Variants in EGFLAM observed in about 807,000 individuals in gnomAD.
The protein encoded by EGFLAM is pikachurin.
In EGFLAM, 79 loss-of-function variants were observed where a neutral mutation model predicts 113.1. The observed-to-expected ratio is 0.70, with a 90% CI of 0.58 to 0.84. The LOEUF is 0.84. EGFLAM is among the 40% of genes least tolerant of loss of function. The probability of loss-of-function intolerance (pLI) is 0.00; values close to 1 mark genes in which losing one functional copy is unlikely to be tolerated. For synonymous variants in EGFLAM, 504 were observed against 487.6 expected (o/e 1.03, Z -0.44); for missense variants, 1,265 against 1,291.6 (o/e 0.98, Z 0.32).
At chr5:38,367,227 G>GCAT (rs369020268) in intron 5 of EGFLAM, among the ~76,000 whole-genome samples, 108 of 151,430 alleles carry the variant, frequency 7.1e-4, no homozygotes, top group African/African-American at 2.4e-3. Flanking sequence ...GCTCGCAGCA[G>GCAT]CCTCAACCTC....
At chr5:38,286,754 C>T (rs116179671) in intron 1 of EGFLAM, among the ~76,000 whole-genome samples, 42 of 152,300 alleles carry the variant, frequency 2.8e-4, no homozygotes, top group Middle Eastern at 3.4e-3. Context: ...ACTTTGCCAT[C>T]GGCACCATCT....
At chr5:38,449,785 A>G (rs1269561397) in intron 18 of EGFLAM, among the ~76,000 whole-genome samples, 1 of 152,214 alleles carries the variant, frequency 6.6e-6, no homozygotes, top group Admixed American at 6.5e-5. Flanking sequence ...GGTGCCAAGT[A>G]ACAGAAAGTT....
At chr5:38,385,848 T>G (rs1740645400) in intron 6 of EGFLAM, among the ~76,000 whole-genome samples, 1 of 152,226 alleles carries the variant, frequency 6.6e-6, no homozygotes, top group African/African-American at 2.4e-5. Flanking sequence ...AAATGCACCA[T>G]TAGGTGATTT....
chr5:38,290,047 A>T (rs1758273910), intron 1 of EGFLAM, among the ~76,000 whole-genome samples: 1 of 152,250 alleles, frequency 6.6e-6, no homozygotes, highest in South Asian at 2.1e-4. Context: ...ACAGATGAGC[A>T]AACTGAGCAT....
At chr5:38,305,100 G>A (rs1758690492) in intron 1 of EGFLAM, among the ~76,000 whole-genome samples, 2 of 151,826 alleles carry the variant, frequency 1.3e-5, no homozygotes, top group Non-Finnish European at 1.5e-5. Context: ...ACAAATAACA[G>A]GCATTCTACA....
At chr5:38,287,595 C>T (rs969649974) in intron 1 of EGFLAM, among the ~76,000 whole-genome samples, 2 of 152,214 alleles carry the variant, frequency 1.3e-5, no homozygotes, top group African/African-American at 4.8e-5. Context: ...TGGTCTCAAA[C>T]TCCTGGCCTC....
At chr5:38,457,518 G>A (rs1743129276) in intron 19 of EGFLAM, among the ~76,000 whole-genome samples, 1 of 152,156 alleles carries the variant, frequency 6.6e-6, no homozygotes, top group African/African-American at 2.4e-5. Flanking sequence ...CTGTCTCTGT[G>A]TGTCTCTGGC....
chr5:38,451,603 C>G, intron 19 of EGFLAM, 145 bp downstream of exon 19: 2 of 1,219,290 alleles, frequency 1.6e-6, no homozygotes, highest in African/African-American at 1.5e-5. Flanking sequence ...TTGGAAGCTC[C>G]TGGTCTTTCT....
chr5:38,458,935 T>G (rs1743179209), intron 20 of EGFLAM, among the ~76,000 whole-genome samples: 1 of 151,080 alleles, frequency 6.6e-6, no homozygotes, highest in Non-Finnish European at 1.5e-5. Flanking sequence ...ATCATGCCAT[T>G]GCACTCCAGC....
intron 1 of EGFLAM, among the ~76,000 whole-genome samples, chr5:38,311,377 G>T (rs1034884924): frequency 1.3e-5 from 2 of 152,024 alleles, no homozygotes; most frequent in Non-Finnish European, 2.9e-5. Flanking sequence ...CCTGGTAACC[G>T]CCATTCTACT....
chr5:38,425,674 C>T (rs897643613), intron 13 of EGFLAM, among the ~76,000 whole-genome samples: 8 of 152,318 alleles, frequency 5.3e-5, no homozygotes, highest in Admixed American at 3.9e-4. Context: ...CTCAGCCAAA[C>T]ATATGTTCAT....
intron 17 of EGFLAM, among the ~76,000 whole-genome samples, chr5:38,441,506 TCTAAGTAAGTTA>T (rs1742532264): frequency 6.6e-6 from 1 of 152,126 alleles, no homozygotes; most frequent in South Asian, 2.1e-4. Context: ...AGCTTGTGTA[TCTAAGTAAGTTA>T]CTAAAATGTT....
At chr5:38,350,373 C>A (rs990897370) in intron 3 of EGFLAM, 128 bp from the exon 4 acceptor site, 11 of 922,270 alleles carry the variant, frequency 1.2e-5, no homozygotes, top group East Asian at 2.5e-5. Flanking sequence ...CAGTCCTAGA[C>A]AAAGCAAAAC....
chr5:38,338,551 A>G, intron 2 of EGFLAM, 147 bp from the exon 3 acceptor site: 1 of 678,308 alleles, frequency 1.5e-6, no homozygotes, highest in Non-Finnish European at 2.6e-6. Context: ...CAACCCAAGT[A>G]GGTCTGATGT....
intron 12 of EGFLAM, 98 bp from the exon 13 acceptor site, chr5:38,424,869 T>G (rs573931867): frequency 2.0e-6 from 3 of 1,489,764 alleles, no homozygotes; most frequent in South Asian, 2.8e-5. Context: ...AACTGAAATG[T>G]ATTTATTCAG....
intron 12 of EGFLAM, among the ~76,000 whole-genome samples, chr5:38,421,390 C>A (rs144418898): frequency 7.1e-4 from 108 of 152,366 alleles, no homozygotes; most frequent in Middle Eastern, 3.4e-3. Context: ...CCAATCCCAT[C>A]TTGGATATCC....
At chr5:38,378,710 C>A (rs1374527144) in intron 6 of EGFLAM, among the ~76,000 whole-genome samples, 1 of 152,186 alleles carries the variant, frequency 6.6e-6, no homozygotes, top group Non-Finnish European at 1.5e-5. Context: ...ATCTGGCCGG[C>A]AAGTCTGGGT....
At position 38,300,666 on chromosome 5, in the gene EGFLAM, C is replaced by T. The variant is rs182015091; in HGVS notation, c.98-36854C>T. On this transcript the variant is annotated intron_variant, in intron 1 of 21. Transcript: ENST00000322350. ...CTGGGATTACAGGCATGAGCCATCG[C>T]GCCCGGCCATATTTTTCATTTTGAA... is the stretch of plus-strand genomic sequence containing the variant. Among the ~76,000 whole-genome samples the T allele has an allele frequency of 4.6e-3, 699 of 152,262 alleles. 2 individuals are homozygous for T. Among genetic ancestry groups the T allele is most frequent in the Non-Finnish European group, 5.9e-3 (404 of 68,036 alleles).
rs976001345 is a variant in EGFLAM at position 38,445,442 on chromosome 5, C to T, written c.2465-2859C>T. On this transcript the variant is annotated intron_variant, in intron 17 of 21. Coordinates refer to ENST00000322350, the MANE Select transcript of EGFLAM (RefSeq NM_152403.4). ...CACCGCCACGCCCACCTTCAATAAGCCGAGAAGAGGTGAGGAGGCGGGTGG... is the reference window on the plus strand; with the variant it reads ...CACCGCCACGCCCACCTTCAATAAGTCGAGAAGAGGTGAGGAGGCGGGTGG... The T allele has an allele frequency of 1.7e-5, 24 of 1,378,328 alleles. No homozygotes were observed. In the East Asian group the frequency reaches 6.1e-4, roughly 35 times the overall value. 85.4% of individuals were successfully genotyped at this position (1,378,328 alleles called of 1,614,324 possible).
Sources: allele counts gnomAD v4.1 joint callset (sites outside exome capture counted in the v4.1 genomes callset), GRCh38; gene constraint gnomAD v4.1.1; transcripts MANE v1.5; gene names NCBI Gene and HGNC (gene_info 2026-07-23, HGNC 2026-07-21).